The following EEFSEC variants were observed in gnomAD, a reference collection of about 807,000 sequenced individuals.
EEFSEC encodes selenocysteine-specific elongation factor.
In EEFSEC, 43 loss-of-function variants were observed where a neutral mutation model predicts 42.1. The observed-to-expected ratio is 1.02, with a 90% confidence interval of 0.80 to 1.32. The LOEUF is 1.32. EEFSEC is among the 40% of genes most tolerant of loss of function. The pLI is 0.00. For synonymous variants in EEFSEC, 354 were observed against 339.1 expected (o/e 1.04, Z -0.48); for missense variants, 745 against 803.6 (o/e 0.93, Z 0.88).
chr3:128,394,531 A>C (rs1228466244), intron 6 of EEFSEC, among the ~76,000 whole-genome samples: 1 of 152,240 alleles, frequency 6.6e-6, no homozygotes, highest in Admixed American at 6.5e-5. Context: ...TTTTATTGTC[A>C]ATAAGCTCTA....
At chr3:128,425,980 T>G in the EEFSEC span, among the ~76,000 whole-genome samples, 1 of 152,228 alleles carries the variant, frequency 6.6e-6, no homozygotes, top group Non-Finnish European at 1.5e-5. Flanking sequence ...TATTATGCTG[T>G]GACTCAGCGA....
At chr3:128,190,519 A>G (rs937994231) in intron 1 of EEFSEC, among the ~76,000 whole-genome samples, 1 of 152,254 alleles carries the variant, frequency 6.6e-6, no homozygotes, top group Non-Finnish European at 1.5e-5. Flanking sequence ...GCTAAGTGTT[A>G]TTACAAGAGT....
chr3:128,257,180 C>A (rs1480690135), intron 2 of EEFSEC, among the ~76,000 whole-genome samples: 1 of 152,206 alleles, frequency 6.6e-6, no homozygotes, highest in Non-Finnish European at 1.5e-5. Flanking sequence ...GTGTGGCATA[C>A]TTTTCTTTGC....
chr3:128,267,324 A>G (rs915160014), intron 4 of EEFSEC, among the ~76,000 whole-genome samples: 3 of 152,188 alleles, frequency 2.0e-5, no homozygotes, highest in Non-Finnish European at 4.4e-5. Flanking sequence ...ACTGATCTTT[A>G]GTACTTGGGC....
chr3:128,192,785 A>G (rs1421234113), intron 1 of EEFSEC, among the ~76,000 whole-genome samples: 11 of 152,330 alleles, frequency 7.2e-5, no homozygotes, highest in Admixed American at 6.5e-4. Context: ...CCCACCCCCA[A>G]TACTTTTAGT....
At chr3:128,329,431 G>A (rs1330888188) in intron 4 of EEFSEC, among the ~76,000 whole-genome samples, 1 of 151,518 alleles carries the variant, frequency 6.6e-6, no homozygotes, top group African/African-American at 2.4e-5. Context: ...CACCCCCGCT[G>A]ATGCTCTCAG....
At chr3:128,409,535 G>C (rs1275033926), downstream of EEFSEC, among the ~76,000 whole-genome samples, 1 of 152,250 alleles carries the variant, frequency 6.6e-6, no homozygotes, top group Non-Finnish European at 1.5e-5. Flanking sequence ...CAGGGCTGGA[G>C]CAGCAGTCAA....
intron 5 of EEFSEC, among the ~76,000 whole-genome samples, chr3:128,355,976 A>T (rs60422417): frequency 0.033 from 4,978 of 152,326 alleles, 284 homozygotes; most frequent in African/African-American, 0.11. Context: ...GAGCCTGCTC[A>T]GGGCCAGGCC....
intron 5 of EEFSEC, among the ~76,000 whole-genome samples, chr3:128,345,218 C>T (rs1025175335): frequency 6.6e-6 from 1 of 152,194 alleles, no homozygotes; most frequent in Non-Finnish European, 1.5e-5. Context: ...GTGCTTGTCT[C>T]CTACTGCATC....
chr3:128,173,978 CT>C (rs1354554287), intron 1 of EEFSEC, among the ~76,000 whole-genome samples: 3 of 152,190 alleles, frequency 2.0e-5, no homozygotes, highest in African/African-American at 7.2e-5. Flanking sequence ...TATCCGCATT[CT>C]CGCACAGATA....
chr3:128,413,485 C>T (rs569727228), downstream of EEFSEC, among the ~76,000 whole-genome samples: 27 of 152,186 alleles, frequency 1.8e-4, no homozygotes, highest in Non-Finnish European at 3.1e-4. Context: ...CTGCGGCCCC[C>T]TCTGCAAAGG....
At chr3:128,394,960 A>G (rs2067963655) in intron 6 of EEFSEC, among the ~76,000 whole-genome samples, 1 of 152,132 alleles carries the variant, frequency 6.6e-6, no homozygotes, top group South Asian at 2.1e-4. Flanking sequence ...GGCACAAAGG[A>G]AGGAGAGAGG....
At chr3:128,162,919 T>G (rs991647463) in intron 1 of EEFSEC, among the ~76,000 whole-genome samples, 1 of 152,196 alleles carries the variant, frequency 6.6e-6, no homozygotes, top group Non-Finnish European at 1.5e-5. Context: ...AACTTTTCAC[T>G]GAGCATCCCC....
chr3:128,393,827 G>T (rs1047236006), intron 6 of EEFSEC, among the ~76,000 whole-genome samples: 1 of 152,250 alleles, frequency 6.6e-6, no homozygotes, highest in Non-Finnish European at 1.5e-5. Flanking sequence ...TAGGTGCAGG[G>T]CCAGGGACCA....
At chr3:128,294,251 G>T (rs2066678707) in intron 4 of EEFSEC, among the ~76,000 whole-genome samples, 1 of 152,190 alleles carries the variant, frequency 6.6e-6, no homozygotes, top group Admixed American at 6.5e-5. Flanking sequence ...TAGGGTGGAG[G>T]ACTATCTGTC....
At chr3:128,396,662 C>T (rs1459940926) in intron 6 of EEFSEC, among the ~76,000 whole-genome samples, 6 of 152,102 alleles carry the variant, frequency 3.9e-5, no homozygotes, top group East Asian at 1.9e-4. Context: ...AGGCCCACCA[C>T]GTTCTTGCTG....
chr3:128,153,819 C>A lies in EEFSEC; in HGVS notation c.312C>A (p.Ile104=). ...ACGCCTCCCTCATCCGGACCATCAT[C>A]GGCGGTGAGCGCGGGCCGGGGCGGG... ...PGHASLIRTI[I]GGAQIIDLMM... The change falls in exon 1 of 7, where the codon ATC becomes ATA. Residue 104 remains isoleucine (I), a synonymous_variant. Transcript: ENST00000254730. 1 of 1,504,942 alleles carries A rather than the reference C, an allele frequency of 6.6e-7. No homozygotes were observed. Among genetic ancestry groups the A allele is most frequent in the Non-Finnish European group, 8.8e-7 (1 of 1,133,630 alleles). The allele number at this position is 1,504,942 out of a possible 1,614,324, so 93.2% of individuals were successfully genotyped here. A position where few individuals can be genotyped will look rare whatever the true frequency, so the allele number is the denominator to read the frequency against.
At chr3:128,288,758 TAAG>T (rs2066612567) in intron 4 of EEFSEC, among the ~76,000 whole-genome samples, 1 of 152,224 alleles carries the variant, frequency 6.6e-6, no homozygotes, top group Non-Finnish European at 1.5e-5. Flanking sequence ...GGTATTCCTT[TAAG>T]AAGAATAACT....
intron 1 of EEFSEC, among the ~76,000 whole-genome samples, chr3:128,222,702 ATTC>A (rs2065872862): frequency 6.6e-6 from 1 of 152,354 alleles, no homozygotes; most frequent in South Asian, 2.1e-4. Context: ...ATTTCAGATT[ATTC>A]TTTAGAGCAG....
Sources: gnomAD v4.1 joint callset for allele counts (sites outside exome capture counted in the v4.1 genomes callset) on GRCh38, gnomAD v4.1.1 for gene constraint, MANE v1.5 for transcripts, NCBI Gene and HGNC (gene_info 2026-07-23, HGNC 2026-07-21) for gene names.